The following CSPP1 variants were observed in gnomAD, a reference collection of about 807,000 sequenced individuals.
CSPP1 encodes centrosome and spindle pole-associated protein 1.
Under a neutral mutation model 164.4 loss-of-function variants are expected in CSPP1, and 126 were observed. The observed-to-expected ratio is 0.77, with a 90% CI of 0.66 to 0.89. The LOEUF (loss-of-function observed/expected upper bound fraction) is 0.89, where lower values mean the gene tolerates loss of function less well. Among genes scored for constraint, CSPP1 ranks in the 40% least tolerant of loss-of-function variants. CSPP1 has a pLI of 0.00. For missense variants in CSPP1, 1,395 were observed against 1,449.8 expected (o/e 0.96, Z 0.61); for synonymous variants, 472 against 476.7 (o/e 0.99, Z 0.13).
At chr8:67,194,169 C>G (rs567399391) in intron 30 of CSPP1, among the ~76,000 whole-genome samples, 14 of 152,304 alleles carry the variant, frequency 9.2e-5, no homozygotes, top group African/African-American at 3.4e-4. Flanking sequence ...CCTGCCAGCC[C>G]TACACCACCC....
chr8:67,101,395 T>G (rs1471878080), intron 7 of CSPP1, among the ~76,000 whole-genome samples: 1 of 152,242 alleles, frequency 6.6e-6, no homozygotes, highest in Admixed American at 6.5e-5. Flanking sequence ...CAGGATTTTC[T>G]GAGGATAGGC....
At chr8:67,122,746 C>G (rs2129552236) in intron 15 of CSPP1, among the ~76,000 whole-genome samples, 1 of 151,742 alleles carries the variant, frequency 6.6e-6, no homozygotes, top group South Asian at 2.1e-4. Flanking sequence ...TCTCTTAGAT[C>G]TAGTTGGCTT....
Position 67,116,088 on chromosome 8 carries a change from C to G in CSPP1, c.1462C>G (p.Leu488Val). The change falls in exon 13 of 31, where the codon CTC becomes GTC. Residue 488 changes from leucine (L) to valine (V), a missense_variant. Coordinates refer to ENST00000678616, the MANE Select transcript of CSPP1 (RefSeq NM_001382391.1). ...TCAAAATGAAGATTTGCGCAGTGGA[C>G]TCAGCAGCGCCCTTGGTGAAATGGT... ...PSQNEDLRSG[L>V]SSALGEMVSP... 3.1e-6 allele frequency: 5 copies of G among 1,614,020 alleles called. No individual in the cohort carries two copies. Among genetic ancestry groups the G allele is most frequent in the Non-Finnish European group, 4.2e-6 (5 of 1,179,932 alleles).
At chr8:67,100,089 T>G (rs758760829) in intron 7 of CSPP1, among the ~76,000 whole-genome samples, 2 of 152,170 alleles carry the variant, frequency 1.3e-5, no homozygotes, top group African/African-American at 2.4e-5. Flanking sequence ...CTTAAACATT[T>G]TTCGGTCTTG....
chr8:67,178,803 C>T (rs186699866), intron 27 of CSPP1, among the ~76,000 whole-genome samples: 139 of 152,086 alleles, frequency 9.1e-4, no homozygotes, highest in Middle Eastern at 6.8e-3. Flanking sequence ...CAGGGGGTGA[C>T]GAGGGGAGGC....
chr8:67,095,805 TTTTATC>T (rs1416144994), intron 7 of CSPP1, 73 bp downstream of exon 7: 2 of 932,400 alleles, frequency 2.1e-6, no homozygotes, highest in Non-Finnish European at 1.6e-6. Context: ...TGTTGTTACT[TTTTATC>T]ATTATACTAG....
At chr8:67,101,605 G>A (rs1011289578) in intron 7 of CSPP1, among the ~76,000 whole-genome samples, 2 of 152,100 alleles carry the variant, frequency 1.3e-5, no homozygotes, top group Non-Finnish European at 2.9e-5. Context: ...ATCTGTGATC[G>A]ATTAAAAAAT....
At chr8:67,094,119 GAAAAA>G (rs71249416) in intron 6 of CSPP1, among the ~76,000 whole-genome samples, 1 of 29,452 alleles carries the variant, frequency 3.4e-5, no homozygotes, top group Non-Finnish European at 5.3e-5. Context: ...GACCTGGTCT[GAAAAA>G]AAAAAAAAAA....
At chr8:67,098,370 G>T (rs1813284592) in intron 7 of CSPP1, among the ~76,000 whole-genome samples, 1 of 144,264 alleles carries the variant, frequency 6.9e-6, no homozygotes, top group Non-Finnish European at 1.5e-5. Context: ...TTTATTTTTG[G>T]TTTCAATTTT....
chr8:67,190,784 T>A, intron 29 of CSPP1, 25 bp downstream of exon 29: 1 of 1,509,848 alleles, frequency 6.6e-7, no homozygotes, highest in Non-Finnish European at 9.2e-7. Context: ...TTTCTCCCCC[T>A]TTTCAACTTA....
chr8:67,100,136 A>G (rs1489558702), intron 7 of CSPP1, among the ~76,000 whole-genome samples: 1 of 152,212 alleles, frequency 6.6e-6, no homozygotes, highest in East Asian at 1.9e-4. Flanking sequence ...GACTTTTATA[A>G]TCTTGTTAAT....
At position 67,196,344 on chromosome 8, in the gene CSPP1, G is replaced by A. The variant is rs1837935253; in HGVS notation, c.*751G>A. On this transcript the variant is annotated 3_prime_UTR_variant, in exon 31 of 31. Transcript: ENST00000678616. ...TGGGGACACCCGGGAGTCAAGGACA[G>A]AGAGACTGGAGTCTTCTTCTTCCAC... is the stretch of plus-strand genomic sequence containing the variant. 1 of 151,446 alleles carries A rather than the reference G, an allele frequency of 6.6e-6. No homozygotes were observed. Among genetic ancestry groups the A allele is most frequent in the South Asian group, 2.1e-4 (1 of 4,826 alleles). 9.4% of individuals were successfully genotyped at this position (151,446 alleles called of 1,614,324 possible).
intron 7 of CSPP1, 64 bp downstream of exon 7, chr8:67,095,796 G>C (rs577369047): frequency 1.0e-6 from 1 of 998,846 alleles, no homozygotes; most frequent in African/African-American, 1.7e-5. Context: ...AATATTTGCT[G>C]TTGTTACTTT....
chr8:67,175,778 C>T (rs755853995), intron 26 of CSPP1, among the ~76,000 whole-genome samples: 24 of 152,152 alleles, frequency 1.6e-4, no homozygotes, highest in Non-Finnish European at 2.6e-4. Flanking sequence ...CATGATGTGT[C>T]GGGCATTTGC....
intron 3 of CSPP1, among the ~76,000 whole-genome samples, chr8:67,084,991 C>T (rs1299456728): frequency 6.6e-6 from 1 of 152,034 alleles, no homozygotes; most frequent in Non-Finnish European, 1.5e-5. Flanking sequence ...GTGTACAATT[C>T]AATGGTTTTT....
At chr8:67,171,456 A>G (rs1017824171) in intron 24 of CSPP1, among the ~76,000 whole-genome samples, 2 of 151,806 alleles carry the variant, frequency 1.3e-5, no homozygotes, top group African/African-American at 2.4e-5. Flanking sequence ...TGGCATGATC[A>G]CAGCTTATTG....
At chr8:67,076,422 G>A (rs909374250) in intron 2 of CSPP1, 60 bp from the exon 3 acceptor site, 8 of 892,290 alleles carry the variant, frequency 9.0e-6, no homozygotes, top group South Asian at 8.5e-5. Context: ...TTTGAGATGA[G>A]TTGTATATTT....
chr8:67,068,225 A>G (rs192807310), intron 1 of CSPP1, among the ~76,000 whole-genome samples: 210 of 152,318 alleles, frequency 1.4e-3, no homozygotes, highest in Non-Finnish European at 2.5e-3. Context: ...TTCATAATAT[A>G]CTAGAATAAA....
At chr8:67,173,087 G>A (rs1830786966) in intron 25 of CSPP1, 1 of 152,362 alleles carries the variant, frequency 6.6e-6, no homozygotes, top group South Asian at 2.1e-4. Context: ...GAGGCAAGAT[G>A]TTGGAGACAA....
Sources: gnomAD v4.1 joint callset for allele counts (sites outside exome capture counted in the v4.1 genomes callset) on GRCh38, gnomAD v4.1.1 for gene constraint, MANE v1.5 for transcripts, NCBI Gene and HGNC (gene_info 2026-07-23, HGNC 2026-07-21) for gene names.